The following FGF14 variants were observed in gnomAD, a reference collection of about 807,000 sequenced individuals.
FGF14 encodes the protein fibroblast growth factor 14, also known as fibroblast growth factor homologous factor 4.
A neutral mutation model predicts 25.5 loss-of-function variants in FGF14; 5 were observed. The observed-to-expected ratio is 0.20, with a 90% CI of 0.10 to 0.41. The LOEUF is 0.41. Among genes scored for constraint, FGF14 ranks in the 10% least tolerant of loss-of-function variants. The pLI, the probability that FGF14 is intolerant of heterozygous loss-of-function variation, is 1.00. For missense variants in FGF14, 222 were observed against 320.1 expected (o/e 0.69, Z 2.34); for synonymous variants, 138 against 118.3 (o/e 1.17, Z -1.08).
At chr13:102,117,635 TA>T (rs2045534776) in intron 1 of FGF14, among the ~76,000 whole-genome samples, 1 of 152,114 alleles carries the variant, frequency 6.6e-6, no homozygotes, top group Non-Finnish European at 1.5e-5. Context: ...ACTGGTAGAA[TA>T]AACAGTGGCA....
At chr13:101,811,811 G>A (rs1432310257) in intron 3 of FGF14, among the ~76,000 whole-genome samples, 1 of 152,150 alleles carries the variant, frequency 6.6e-6, no homozygotes, top group Non-Finnish European at 1.5e-5. Flanking sequence ...TAATAGGTGT[G>A]TAGTGGTAGC....
chr13:101,842,783 T>C (rs2043254103), intron 3 of FGF14, among the ~76,000 whole-genome samples: 1 of 152,010 alleles, frequency 6.6e-6, no homozygotes, highest in African/African-American at 2.4e-5. Context: ...CATTGTTTGT[T>C]TCTATTACAT....
At chr13:102,195,113 G>A (rs10083250) in intron 1 of FGF14, among the ~76,000 whole-genome samples, 23,460 of 152,044 alleles carry the variant, frequency 0.15, 2,184 homozygotes, top group African/African-American at 0.26. Context: ...AATGCTAAAC[G>A]GAGTTGTTCA....
chr13:102,349,939 A>G (rs747616615), intron 1 of FGF14, among the ~76,000 whole-genome samples: 12 of 152,216 alleles, frequency 7.9e-5, no homozygotes, highest in Non-Finnish European at 1.6e-4. Flanking sequence ...AGGGGGGAAA[A>G]TTATAATTAC....
intron 1 of FGF14, among the ~76,000 whole-genome samples, chr13:102,391,198 G>A (rs943420835): frequency 6.6e-6 from 1 of 152,062 alleles, no homozygotes; most frequent in Non-Finnish European, 1.5e-5. Context: ...ATCTAGAATC[G>A]GATAGTACAA....
At chr13:101,897,956 G>A (rs763110660) in intron 1 of FGF14, among the ~76,000 whole-genome samples, 1 of 152,036 alleles carries the variant, frequency 6.6e-6, no homozygotes, top group Non-Finnish European at 1.5e-5. Flanking sequence ...GTGCAGTGGT[G>A]CAGTCTCGGC....
Position 102,342,272 on chromosome 13 carries a change from G to C in FGF14, c.208+59199C>G, listed in dbSNP as rs1036570999. 3.9e-5 allele frequency among the ~76,000 whole-genome samples: 6 copies of C among 152,194 alleles called. No individual in the cohort carries two copies. In the East Asian group the frequency reaches 5.8e-4, roughly 15 times the overall value. ...CCCAGCTCCAAGCCTGATGTCTCCT[G>C]AATAGTCCCTACATTAACGTGCTAC... is the stretch of plus-strand genomic sequence containing the variant. On this transcript the variant is annotated intron_variant, in intron 1 of 4. Transcript: ENST00000376131.
chr13:101,907,126 A>C (rs2032341888), intron 1 of FGF14, among the ~76,000 whole-genome samples: 1 of 152,138 alleles, frequency 6.6e-6, no homozygotes, highest in Non-Finnish European at 1.5e-5. Flanking sequence ...ACAAAGACTA[A>C]TTCTCAGAAA....
intron 3 of FGF14, among the ~76,000 whole-genome samples, chr13:101,727,706 A>G (rs1274672469): frequency 1.3e-5 from 2 of 152,144 alleles, no homozygotes; most frequent in Admixed American, 1.3e-4. Flanking sequence ...TAATAAGGGT[A>G]CAATCTACAT....
chr13:102,122,666 G>T (rs562273261), intron 1 of FGF14, among the ~76,000 whole-genome samples: 1 of 152,278 alleles, frequency 6.6e-6, no homozygotes, highest in South Asian at 2.1e-4. Context: ...TTAGTTACAT[G>T]CCCTACATGG....
At chr13:101,936,149 T>A (rs1428589233) in intron 1 of FGF14, among the ~76,000 whole-genome samples, 5 of 152,202 alleles carry the variant, frequency 3.3e-5, no homozygotes, top group Non-Finnish European at 7.3e-5. Context: ...TCCCTTCCAT[T>A]GTCCAGATGA....
At chr13:101,912,484 T>C (rs377436405) in intron 1 of FGF14, among the ~76,000 whole-genome samples, 16 of 152,346 alleles carry the variant, frequency 1.1e-4, no homozygotes, top group African/African-American at 3.8e-4. Context: ...GATACAATGT[T>C]CATTATACAC....
intron 1 of FGF14, among the ~76,000 whole-genome samples, chr13:102,191,320 T>C (rs1217763910): frequency 6.6e-6 from 1 of 152,194 alleles, no homozygotes; most frequent in African/African-American, 2.4e-5. Context: ...CACAACAAAA[T>C]ACCAGAGACT....
At chr13:102,323,957 ATGTGTGTGTGTGTGTGTGTGTG>A (rs3066051) in intron 1 of FGF14, among the ~76,000 whole-genome samples, 2 of 136,422 alleles carry the variant, frequency 1.5e-5, no homozygotes, top group Non-Finnish European at 3.2e-5. Flanking sequence ...AACGTGCAGT[ATGTGTGTGTGTGTGTGTGTGTG>A]TGTGTGTGTG....
chr13:101,794,285 G>A (rs149043871), intron 3 of FGF14, among the ~76,000 whole-genome samples: 1,633 of 152,104 alleles, frequency 0.011, 15 homozygotes, highest in Non-Finnish European at 0.017. Flanking sequence ...GCACTTTGCA[G>A]TCAGCTCTCT....
At chr13:101,995,670 G>A (rs559141180) in intron 1 of FGF14, among the ~76,000 whole-genome samples, 2 of 152,230 alleles carry the variant, frequency 1.3e-5, no homozygotes, top group South Asian at 2.1e-4. Flanking sequence ...AAAGAAAAGC[G>A]AAGCTACTGT....
intron 1 of FGF14, among the ~76,000 whole-genome samples, chr13:102,189,427 T>G (rs890797996): frequency 6.6e-6 from 1 of 152,030 alleles, no homozygotes; most frequent in Admixed American, 6.5e-5. Context: ...CTTAACCAAT[T>G]AAGAATTAAG....
At chr13:101,849,617 A>T (rs2043643576) in intron 3 of FGF14, among the ~76,000 whole-genome samples, 2 of 152,134 alleles carry the variant, frequency 1.3e-5, no homozygotes, top group African/African-American at 4.8e-5. Context: ...CTAGACAAAT[A>T]TGAGGAAACA....
rs547733270 is a variant in FGF14, at chr13:101,903,879, G to A, written c.193+12574C>T. Among the ~76,000 whole-genome samples the A allele has an allele frequency of 5.6e-4, 85 of 152,246 alleles. 1 individual carries two copies. In the South Asian group the frequency reaches 0.013, roughly 24 times the overall value. Reference sequence around the variant, plus strand: ...TGTTTGCTTGTTTGTATGAGTGTACGGAGTACAGGTGCAATTTTGTTACAG... The same window carrying A: ...TGTTTGCTTGTTTGTATGAGTGTACAGAGTACAGGTGCAATTTTGTTACAG... On this transcript the variant is annotated intron_variant, in intron 1 of 4. Transcript: ENST00000376143.
Sources: allele counts gnomAD v4.1 joint callset (sites outside exome capture counted in the v4.1 genomes callset), GRCh38; gene constraint gnomAD v4.1.1; transcripts MANE v1.5; gene names NCBI Gene and HGNC (gene_info 2026-07-23, HGNC 2026-07-21).